Variants in HORMAD2 observed in about 807,000 individuals in gnomAD.
HORMAD2 encodes the protein HORMA domain-containing protein 2.
A neutral mutation model predicts 38.8 loss-of-function variants in HORMAD2; 45 were observed. That is an observed-to-expected ratio of 1.16 (90% CI 0.91 to 1.49). The LOEUF (loss-of-function observed/expected upper bound fraction) is 1.49. Among genes scored for constraint, HORMAD2 ranks in the 40% most tolerant of loss-of-function variants. HORMAD2 has a pLI of 0.00. For missense variants in HORMAD2, 338 were observed against 367.0 expected (o/e 0.92, Z 0.65); for synonymous variants, 126 against 122.8 (o/e 1.03, Z -0.17).
intron 10 of HORMAD2, among the ~76,000 whole-genome samples, chr22:30,136,319 A>G (rs558552490): frequency 4.6e-5 from 7 of 152,350 alleles, no homozygotes; most frequent in African/African-American, 1.4e-4. Context: ...TTTATTTACC[A>G]TGCAATTCAC....
At chr22:30,115,922 C>G (rs183283735) in intron 7 of HORMAD2, among the ~76,000 whole-genome samples, 1 of 152,236 alleles carries the variant, frequency 6.6e-6, no homozygotes, top group Admixed American at 6.5e-5. Context: ...CTGTGAAGGG[C>G]AATGGCATGT....
the HORMAD2 span, among the ~76,000 whole-genome samples, chr22:30,189,522 A>G: frequency 4.2e-5 from 6 of 143,400 alleles, no homozygotes; most frequent in African/African-American, 1.5e-4. Flanking sequence ...GGGGTGGGGG[A>G]TGGGTGGGTA....
chr22:30,159,677 G>A (rs998690062), intron 10 of HORMAD2, among the ~76,000 whole-genome samples: 1 of 152,182 alleles, frequency 6.6e-6, no homozygotes, highest in East Asian at 1.9e-4. Flanking sequence ...AAATGTGAAT[G>A]ACACCCCTGG....
At chr22:30,174,396 GTA>G (rs1926303296) in intron 10 of HORMAD2, among the ~76,000 whole-genome samples, 1 of 152,180 alleles carries the variant, frequency 6.6e-6, no homozygotes, top group South Asian at 2.1e-4. Context: ...TATATAGTGT[GTA>G]TATGTTATTT....
At chr22:30,181,085 A>G (rs750296860), downstream of HORMAD2, among the ~76,000 whole-genome samples, 1 of 149,522 alleles carries the variant, frequency 6.7e-6, no homozygotes, top group Non-Finnish European at 1.5e-5. Context: ...GCTGGAGTGC[A>G]GTGGAGCCTC....
chr22:30,098,650 T>C (rs1364469077), intron 2 of HORMAD2, among the ~76,000 whole-genome samples: 1 of 152,188 alleles, frequency 6.6e-6, no homozygotes, highest in African/African-American at 2.4e-5. Flanking sequence ...ATTACTTGGG[T>C]AATTGTTTCT....
the HORMAD2 span, among the ~76,000 whole-genome samples, chr22:30,196,970 T>C: frequency 1.3e-5 from 2 of 152,156 alleles, no homozygotes; most frequent in African/African-American, 4.8e-5. Context: ...CTTACCTCCT[T>C]GGAAGATTCT....
the HORMAD2 span, among the ~76,000 whole-genome samples, chr22:30,186,843 A>G: frequency 6.6e-6 from 1 of 151,542 alleles, no homozygotes; most frequent in South Asian, 2.1e-4. Context: ...TTGCGATAGT[A>G]TAACCTGTGG....
chr22:30,101,816 A>G (rs1339782837), intron 3 of HORMAD2, among the ~76,000 whole-genome samples: 1 of 152,134 alleles, frequency 6.6e-6, no homozygotes, highest in African/African-American at 2.4e-5. Flanking sequence ...AAGTGTAACC[A>G]TAACACTTTG....
At chr22:30,168,133 C>T (rs571975427) in intron 10 of HORMAD2, among the ~76,000 whole-genome samples, 17 of 152,134 alleles carry the variant, frequency 1.1e-4, no homozygotes, top group Non-Finnish European at 2.5e-4. Context: ...CTATGATCAA[C>T]TGCTTTTCCC....
intron 10 of HORMAD2, among the ~76,000 whole-genome samples, chr22:30,148,522 A>G (rs1924558053): frequency 6.6e-6 from 1 of 152,162 alleles, no homozygotes; most frequent in Non-Finnish European, 1.5e-5. Flanking sequence ...CATTTTTTAC[A>G]TTCTGTTTCA....
intron 2 of HORMAD2, among the ~76,000 whole-genome samples, chr22:30,097,815 AC>A (rs2068810193): frequency 1.1e-4 from 16 of 152,234 alleles, no homozygotes; most frequent in Non-Finnish European, 1.5e-4. Flanking sequence ...AATATGGAAG[AC>A]AGGTTGAATG....
At chr22:30,105,243 G>T in intron 5 of HORMAD2, 1 of 164,752 alleles carries the variant, frequency 6.1e-6, no homozygotes, top group Non-Finnish European at 1.4e-5. Context: ...TCCATGGGAT[G>T]CTGCCCATAC....
upstream of HORMAD2, among the ~76,000 whole-genome samples, chr22:30,079,103 C>T (rs916782): frequency 0.09 from 13,697 of 152,082 alleles, 635 homozygotes; most frequent in Middle Eastern, 0.14. Context: ...CTCATGTTCT[C>T]GCCAACTTGA....
chr22:30,113,366 CA>C (rs1350334327), intron 7 of HORMAD2, among the ~76,000 whole-genome samples: 1 of 151,904 alleles, frequency 6.6e-6, no homozygotes, highest in Non-Finnish European at 1.5e-5. Context: ...TGGCATGCAC[CA>C]CCATGGCCGG....
intron 1 of HORMAD2, among the ~76,000 whole-genome samples, chr22:30,085,636 C>A (rs1302158985): frequency 6.6e-6 from 1 of 152,118 alleles, no homozygotes; most frequent in African/African-American, 2.4e-5. Flanking sequence ...CACCTGTAAT[C>A]CCAGCTACTC....
intron 1 of HORMAD2, among the ~76,000 whole-genome samples, chr22:30,084,739 C>T (rs1228383499): frequency 2.6e-5 from 4 of 152,086 alleles, no homozygotes; most frequent in South Asian, 2.1e-4. Flanking sequence ...TCCATCCCAC[C>T]GTGACCTCCC....
intron 10 of HORMAD2, among the ~76,000 whole-genome samples, chr22:30,130,586 CTTTT>C (rs66636269): frequency 1.1e-5 from 1 of 87,910 alleles, no homozygotes; most frequent in Non-Finnish European, 2.3e-5. Flanking sequence ...CTTTTCTTTT[CTTTT>C]TTTTTTTTTT....
the HORMAD2 span, among the ~76,000 whole-genome samples, chr22:30,193,619 C>G: frequency 6.6e-6 from 1 of 152,142 alleles, no homozygotes; most frequent in African/African-American, 2.4e-5. Context: ...CCAAGCAGGA[C>G]AGTGAGTGCA....
Sources: allele counts gnomAD v4.1 joint callset (sites outside exome capture counted in the v4.1 genomes callset), GRCh38; gene constraint gnomAD v4.1.1; transcripts MANE v1.5; gene names NCBI Gene and HGNC (gene_info 2026-07-23, HGNC 2026-07-21).